The following PLD5 variants were observed in gnomAD, a reference collection of about 807,000 sequenced individuals.
PLD5 encodes phospholipase D family member 5, also known as inactive phospholipase D5.
PLD5 carries 36 observed loss-of-function variants against 61.1 expected under a neutral mutation model. That is an observed-to-expected ratio of 0.59 (90% CI 0.45 to 0.78). The LOEUF is 0.78. PLD5 is among the 30% of genes least tolerant of loss of function. The probability of loss-of-function intolerance (pLI) is 0.00; values close to 1 mark genes in which losing one functional copy is unlikely to be tolerated. For missense variants in PLD5, 515 were observed against 644.4 expected (o/e 0.80, Z 2.17); for synonymous variants, 243 against 242.8 (o/e 1.00, Z -0.01).
chr1:242,172,487 C>T (rs1475049347), intron 5 of PLD5, among the ~76,000 whole-genome samples: 1 of 151,976 alleles, frequency 6.6e-6, no homozygotes, highest in Non-Finnish European at 1.5e-5. Flanking sequence ...CAAGAGCAAA[C>T]AAATTCAAAA....
chr1:242,354,908 A>T (rs2266317), intron 1 of PLD5, among the ~76,000 whole-genome samples: 2 of 151,938 alleles, frequency 1.3e-5, no homozygotes, highest in Admixed American at 6.6e-5. Context: ...TTTTCTGTCA[A>T]TGTGGTGTAT....
intron 1 of PLD5, among the ~76,000 whole-genome samples, chr1:242,480,301 T>C (rs1239016124): frequency 1.3e-5 from 2 of 152,090 alleles, no homozygotes; most frequent in Admixed American, 1.3e-4. Flanking sequence ...AATAAATGGA[T>C]AGCAACATGA....
intron 1 of PLD5, among the ~76,000 whole-genome samples, chr1:242,520,136 C>T (rs994500328): frequency 2.0e-5 from 3 of 152,132 alleles, no homozygotes; most frequent in African/African-American, 7.2e-5. Context: ...ACACATGAGT[C>T]ATATGAATGG....
chr1:242,452,815 C>T (rs1032200820), intron 1 of PLD5, among the ~76,000 whole-genome samples: 4 of 152,022 alleles, frequency 2.6e-5, no homozygotes, highest in African/African-American at 9.7e-5. Flanking sequence ...GACCCTGCCC[C>T]CCACCCCTGA....
chr1:242,241,966 C>T (rs1399261447), intron 4 of PLD5, among the ~76,000 whole-genome samples: 1 of 120,170 alleles, frequency 8.3e-6, no homozygotes, highest in Non-Finnish European at 1.7e-5. Context: ...TATATGCTTA[C>T]TTAAATATAT....
chr1:242,516,830 A>G (rs964871997), intron 1 of PLD5, among the ~76,000 whole-genome samples: 6 of 152,168 alleles, frequency 3.9e-5, no homozygotes, highest in Non-Finnish European at 7.4e-5. Flanking sequence ...TTTTAGAATC[A>G]TTTTTCAATA....
At chr1:242,243,644 A>G (rs569445280) in intron 4 of PLD5, among the ~76,000 whole-genome samples, 1 of 152,202 alleles carries the variant, frequency 6.6e-6, no homozygotes, top group Non-Finnish European at 1.5e-5. Context: ...AAGGGACAAT[A>G]GAAGAGGAAC....
At chr1:242,425,704 G>A (rs1035007210) in intron 1 of PLD5, among the ~76,000 whole-genome samples, 24 of 146,390 alleles carry the variant, frequency 1.6e-4, no homozygotes, top group African/African-American at 2.5e-4. Flanking sequence ...GTGCAGTGGC[G>A]CAATCTCAGC....
At chr1:242,491,778 C>T (rs1668160316) in intron 1 of PLD5, among the ~76,000 whole-genome samples, 1 of 152,168 alleles carries the variant, frequency 6.6e-6, no homozygotes, top group Non-Finnish European at 1.5e-5. Flanking sequence ...TCAGGCCATC[C>T]TTAGATGCTC....
Position 242,124,654 on chromosome 1 carries a change from G to A in PLD5, c.747C>T (p.Leu249=), listed in dbSNP as rs558332566. 80 of 1,612,712 alleles carry A rather than the reference G, an allele frequency of 5.0e-5. No homozygotes were observed. In the South Asian group the frequency reaches 7.5e-4, roughly 15 times the overall value. Residue 249 remains leucine, a synonymous_variant, in exon 6 of 10, where the codon CTC becomes CTT. Coordinates refer to ENST00000536534, the MANE Select transcript of PLD5 (RefSeq NM_001372062.1). ...DWQSLGQMKE[L]GVIFYNCSCL... ...AGCTGCAGTTGTAGAAGATGACACC[G>A]AGTTCTTTCATCTGTGAAATTAAAA...
intron 2 of PLD5, among the ~76,000 whole-genome samples, chr1:242,339,662 T>C (rs1347674684): frequency 1.3e-5 from 2 of 152,214 alleles, no homozygotes. Flanking sequence ...CCTTCATTTA[T>C]TTCCACTGGA....
chr1:242,353,135 C>A (rs567719071), intron 1 of PLD5, among the ~76,000 whole-genome samples: 1 of 152,152 alleles, frequency 6.6e-6, no homozygotes, highest in Non-Finnish European at 1.5e-5. Context: ...TAGCTCTTCC[C>A]CTGTTTTAGT....
At position 242,085,129 on chromosome 1, in the gene PLD5, A is replaced by C. The variant is rs549480534; in HGVS notation, c.*4725T>G. The stretch of plus-strand genomic sequence containing the variant: ...ATATGTCCAGGTACAAGTTTATCCT[A>C]TTTACATAAAGGAACATTAAAAATT... On this transcript the variant is annotated 3_prime_UTR_variant, in exon 10 of 10. Coordinates refer to ENST00000536534, the MANE Select transcript of PLD5 (RefSeq NM_001372062.1). The C allele has an allele frequency of 6.6e-6, 1 of 152,182 alleles. No homozygotes were observed. The highest frequency in any genetic ancestry group is 6.5e-5 in the Admixed American group (1 of 15,274). The allele number at this position is 152,182 out of a possible 1,614,324, so 9.4% of individuals were successfully genotyped here.
chr1:242,372,921 A>G (rs1289823987), intron 1 of PLD5, among the ~76,000 whole-genome samples: 1 of 152,242 alleles, frequency 6.6e-6, no homozygotes, highest in East Asian at 1.9e-4. Context: ...AGCAACGGCA[A>G]CAAAAGCCAG....
intron 4 of PLD5, among the ~76,000 whole-genome samples, chr1:242,247,139 A>G (rs987363431): frequency 4.0e-5 from 6 of 151,878 alleles, no homozygotes; most frequent in Non-Finnish European, 5.9e-5. Flanking sequence ...GCCCGCCACC[A>G]TGCCCGGCTA....
At chr1:242,443,561 G>A (rs1459252158) in intron 1 of PLD5, among the ~76,000 whole-genome samples, 2 of 152,142 alleles carry the variant, frequency 1.3e-5, no homozygotes, top group East Asian at 1.9e-4. Flanking sequence ...CAAGGAGTAA[G>A]ATGGGAAGTT....
chr1:242,512,588 A>G (rs1055912007), intron 1 of PLD5, among the ~76,000 whole-genome samples: 1 of 152,156 alleles, frequency 6.6e-6, no homozygotes, highest in Admixed American at 6.5e-5. Flanking sequence ...AAAAATTTAA[A>G]AAGTTAATGT....
At chr1:242,483,548 C>G (rs370567008) in intron 1 of PLD5, among the ~76,000 whole-genome samples, 11 of 152,226 alleles carry the variant, frequency 7.2e-5, no homozygotes, top group East Asian at 1.9e-4. Flanking sequence ...GGAGCACCCA[C>G]ATTCATAAAG....
In PLD5 at chr1:242,215,826, C is replaced by A. The variant is rs147986741; in HGVS notation, c.735+4162G>T. ...CGAATCCTGCTCTGGACACAGACAC[C>A]ATTCACTCCAGATAATTGTTCCTTA... On this transcript the variant is annotated intron_variant, in intron 5 of 9. Coordinates refer to ENST00000536534, the MANE Select transcript of PLD5 (RefSeq NM_001372062.1). 2.3e-3 allele frequency among the ~76,000 whole-genome samples: 352 copies of A among 152,338 alleles called. 6 individuals carry two copies. The highest frequency in any genetic ancestry group is 7.4e-3 in the African/African-American group (308 of 41,584).
Sources: allele counts gnomAD v4.1 joint callset (sites outside exome capture counted in the v4.1 genomes callset), GRCh38; gene constraint gnomAD v4.1.1; transcripts MANE v1.5; gene names NCBI Gene and HGNC (gene_info 2026-07-23, HGNC 2026-07-21).